The following FBN3 variants were observed in gnomAD, a reference collection of about 807,000 sequenced individuals.
FBN3 encodes fibrillin-3.
FBN3 carries 234 observed loss-of-function variants against 330.1 expected under a neutral mutation model. The ratio of observed to expected loss-of-function variants is 0.71; its 90% CI spans 0.64 to 0.79. The LOEUF (loss-of-function observed/expected upper bound fraction) is 0.79. Among genes scored for constraint, FBN3 ranks in the 30% least tolerant of loss-of-function variants. FBN3 has a pLI of 0.00. For missense variants in FBN3, 3,606 were observed against 3,886.9 expected (o/e 0.93, Z 1.92); for synonymous variants, 1,458 against 1,517.3 (o/e 0.96, Z 0.91).
Position 8,141,842 on chromosome 19 carries a change from T to C in FBN3, c.740A>G (p.Asp247Gly). ...IPNIHTGACQ[D>G]VDECQAVPGL... Reference sequence around the variant, plus strand: ...TGGCACAGCCTGGCACTCATCCACATCTGCAAGGACAAAGCCCGGCAGGGG... The same window carrying C: ...TGGCACAGCCTGGCACTCATCCACACCTGCAAGGACAAAGCCCGGCAGGGG... Residue 247 changes from aspartate (D) to glycine (G), a missense_variant and splice_region_variant, in exon 8 of 64, where the codon GAT becomes GGT. Transcript: ENST00000600128. 6.2e-7 allele frequency: 1 copy of C among 1,614,044 alleles called. No individual in the cohort carries two copies. The highest frequency in any genetic ancestry group is 8.5e-7 in the Non-Finnish European group (1 of 1,179,960).
intron 56 of FBN3, among the ~76,000 whole-genome samples, chr19:8,084,810 A>T (rs961525921): frequency 4.0e-5 from 6 of 150,012 alleles, no homozygotes; most frequent in Non-Finnish European, 5.9e-5. Flanking sequence ...GTGGTCTCAA[A>T]CTCCTGACCT....
chr19:8,126,700 C>T lies in FBN3; in HGVS notation c.2416+13G>A, dbSNP rs768045982. 59 of 1,581,400 alleles carry T rather than the reference C, an allele frequency of 3.7e-5. No homozygotes were observed. In the Admixed American group the frequency reaches 7.0e-4, roughly 19 times the overall value. ...CAGCCTCTGGAACGCCGTCGGGCTCCGGGGCCGCTCACCTAGACAGAAGGT... is the reference window on the plus strand; with the variant it reads ...CAGCCTCTGGAACGCCGTCGGGCTCTGGGGCCGCTCACCTAGACAGAAGGT... On this transcript the variant is annotated intron_variant, in intron 19 of 63. Coordinates refer to ENST00000600128, the MANE Select transcript of FBN3 (RefSeq NM_032447.5).
intron 54 of FBN3, 33 bp from the exon 55 acceptor site, chr19:8,086,358 G>C (rs1371891283): frequency 6.4e-7 from 1 of 1,560,092 alleles, no homozygotes; most frequent in South Asian, 1.2e-5. Flanking sequence ...GGTGGGCGGG[G>C]AGGCCACAGG....
chr19:8,119,370 A>G (rs1403184489), intron 25 of FBN3, among the ~76,000 whole-genome samples: 1 of 152,214 alleles, frequency 6.6e-6, no homozygotes, highest in East Asian at 1.9e-4. Flanking sequence ...GGCAGGGAGC[A>G]GGCAGCCTCG....
In FBN3 at chr19:8,100,878, TAG is replaced by T; in HGVS notation, c.5161+21_5161+22del. The T allele has an allele frequency of 2.5e-6, 4 of 1,607,062 alleles. No homozygotes were observed. In the African/African-American group the frequency reaches 4.0e-5, roughly 16 times the overall value. On this transcript the variant is annotated intron_variant, in intron 41 of 63. Coordinates refer to ENST00000600128, the MANE Select transcript of FBN3 (RefSeq NM_032447.5). ...ACCCAGGTGGATGGGTGCCCAGGGATAGAGCAGGGACCACTCACTCACCAAGG... is the reference window on the plus strand; with the variant it reads ...ACCCAGGTGGATGGGTGCCCAGGGATAGCAGGGACCACTCACTCACCAAGG...
Position 8,083,415 on chromosome 19 carries a change from G to A in FBN3, c.7088-43C>T, listed in dbSNP as rs573452884. On this transcript the variant is annotated intron_variant, in intron 56 of 63. Transcript: ENST00000600128. ...GCAAATGGGGCTGGCTGGCTGCTTC[G>A]CGCCTCCACCGAGGAATGTCTCCTT... The A allele has an allele frequency of 5.9e-5, 95 of 1,609,610 alleles. No homozygotes were observed. In the South Asian group the frequency reaches 8.8e-4, roughly 15 times the overall value.
At position 8,096,947 on chromosome 19, in the gene FBN3, T is replaced by C. The variant is rs769009575; in HGVS notation, c.5347A>G (p.Ile1783Val). Residue 1783 changes from isoleucine to valine, a missense_variant, in exon 43 of 64, where the codon ATC (isoleucine) becomes GTC (valine). Transcript: ENST00000600128. This position sits in a 1 kb window ranked among gnomAD's most constrained non-coding sequence, Gnocchi z 4.6. Reference sequence around the variant, plus strand: ...CACTTGCAGCGGTAGCTACCGGGGATGTTGATGCAGTCAGCATTCTGCTGG... The same window carrying C: ...CACTTGCAGCGGTAGCTACCGGGGACGTTGATGCAGTCAGCATTCTGCTGG... ...PCQQNADCIN[I>V]PGSYRCKCTR... is the part of the protein sequence containing the mutation. 26 of 1,613,608 alleles carry C rather than the reference T, an allele frequency of 1.6e-5. No homozygotes were observed. In the African/African-American group the frequency reaches 2.7e-4, roughly 17 times the overall value.
chr19:8,065,993 C>T lies in FBN3; in HGVS notation c.8356G>A (p.Gly2786Ser), dbSNP rs529823750. Residue 2786 changes from glycine (G) to serine (S), a missense_variant, in exon 64 of 64, where the codon GGT (glycine) becomes AGT (serine). Coordinates refer to ENST00000600128, the MANE Select transcript of FBN3 (RefSeq NM_032447.5). ...EVVSHMAGPW[G>S]VQPEGQPGPW... Reference sequence around the variant, plus strand: ...CCTGGCTGCCCCTCTGGCTGGACACCCCAGGGTCCTGCCATGTGGCTCACC... The same window carrying T: ...CCTGGCTGCCCCTCTGGCTGGACACTCCAGGGTCCTGCCATGTGGCTCACC... 17 of 1,612,982 alleles carry T rather than the reference C, an allele frequency of 1.1e-5. No homozygotes were observed. The African/African-American group carries it at 2.3e-4, about 21-fold the overall frequency.
rs146322736 is a variant in FBN3, at chr19:8,116,792, G to A, written c.3594C>T (p.Asp1198=). ...MPDGRACADV[D]ECEENPRVCD... is the part of the protein sequence containing the mutation. Reference sequence around the variant, plus strand: ...AAACGCGGGGGTTCTCTTCACACTCGTCCACGTCTGGGGGAGCAGGGTTGG... The same window carrying A: ...AAACGCGGGGGTTCTCTTCACACTCATCCACGTCTGGGGGAGCAGGGTTGG... Residue 1198 remains aspartate (D), a synonymous_variant, in exon 29 of 64, where the codon GAC becomes GAT. Coordinates refer to ENST00000600128, the MANE Select transcript of FBN3 (RefSeq NM_032447.5). The A allele has an allele frequency of 4.6e-5, 75 of 1,613,700 alleles. No individual in the cohort carries two copies. Among genetic ancestry groups the A allele is most frequent in the East Asian group, 2.2e-4 (10 of 44,890 alleles).
chr19:8,116,979 C>CA (rs1344574615), intron 28 of FBN3, among the ~76,000 whole-genome samples, 180 bp from the exon 29 acceptor site: 2 of 152,120 alleles, frequency 1.3e-5, no homozygotes, highest in South Asian at 2.1e-4. Flanking sequence ...CCCTCCTCTG[C>CA]AAAAATCCCA....
At chr19:8,103,509 G>A in intron 39 of FBN3, 53 bp downstream of exon 39, 1 of 1,585,274 alleles carries the variant, frequency 6.3e-7, no homozygotes, top group Non-Finnish European at 8.6e-7. Flanking sequence ...TTCCTCCCAT[G>A]CCCAGGTGCT....
chr19:8,135,936 G>GCACCCCCCCCCCCCCCCCC, intron 13 of FBN3, 25 bp downstream of exon 13: 2 of 668,778 alleles, frequency 3.0e-6, no homozygotes, highest in South Asian at 1.6e-5. Flanking sequence ...GGAAGCCCCT[G>GCACCCCCCCCCCCCCCCCC]CCCACCCGCC....
At chr19:8,142,993 C>T (rs78539876) in intron 6 of FBN3, among the ~76,000 whole-genome samples, 10 of 151,666 alleles carry the variant, frequency 6.6e-5, no homozygotes, top group African/African-American at 2.4e-4. Context: ...TTCTAGTCCC[C>T]GGGTCGTGCC....
Position 8,117,505 on chromosome 19 carries a change from T to C in FBN3, c.3422A>G (p.His1141Arg), listed in dbSNP as rs374702035. 1.3e-6 allele frequency: 2 copies of C among 1,559,664 alleles called. No homozygotes were observed. The highest frequency in any genetic ancestry group is 2.4e-5 in the East Asian group (1 of 41,632). Residue 1141 changes from histidine to arginine, a missense_variant, in exon 27 of 64, where the codon CAT becomes CGT. By Grantham distance (29) the His-to-Arg change is conservative. Transcript: ENST00000600128. Reference protein sequence around the residue: ...NVIGAFQCSCHAGFQSTPDRQ... With the variant: ...NVIGAFQCSCRAGFQSTPDRQ... ...GTCAGGTGTGCTCTGGAAGCCGGCA[T>C]GGCAGGAGCACTGGAAGGCACCGAT...
intron 13 of FBN3, 26 bp downstream of exon 13, chr19:8,135,935 T>TTGGGGGGGGGGGGGGC: frequency 1.1e-4 from 146 of 1,344,142 alleles, no homozygotes; most frequent in Non-Finnish European, 1.3e-4. Context: ...CGGAAGCCCC[T>TTGGGGGGGGGGGGGGC]GCCCACCCGC....
chr19:8,086,462 ATTATT>A (rs1188498355), intron 54 of FBN3, 137 bp from the exon 55 acceptor site: 1 of 277,312 alleles, frequency 3.6e-6, no homozygotes, highest in African/African-American at 2.8e-5. Context: ...TATTATTATT[ATTATT>A]ATTTTTTGAG....
rs751421672 is a variant in FBN3 at position 8,111,757 on chromosome 19, G to T, written c.3975C>A (p.Cys1325Ter). 10 of 1,612,584 alleles carry T rather than the reference G, an allele frequency of 6.2e-6. No homozygotes were observed. Among genetic ancestry groups the T allele is most frequent in the Non-Finnish European group, 8.5e-6 (10 of 1,178,970 alleles). The part of the protein sequence containing the change: ...DGFECHDLDE[C>*]VSQEHRCSPR... ...GGCTGCACCGGTGCTCCTGGGAGAC[G>T]CATTCATCCAGGTCTGCAGGAGATG... Residue 1325 changes from cysteine (C) to a stop codon, truncating the protein, a stop_gained, in exon 32 of 64, where the codon TGC (cysteine) becomes TGA (stop). Transcript: ENST00000600128. LOFTEE classifies it high-confidence loss of function.
At chr19:8,132,515 G>A (rs183278938) in intron 14 of FBN3, among the ~76,000 whole-genome samples, 3 of 151,516 alleles carry the variant, frequency 2.0e-5, no homozygotes, top group Non-Finnish European at 4.4e-5. Flanking sequence ...TTCTGAGACG[G>A]AGTCTCACTC....
In FBN3 at chr19:8,123,761, C is replaced by T. The variant is rs762906800; in HGVS notation, c.2956+23G>A. 5 of 1,611,368 alleles carry T rather than the reference C, an allele frequency of 3.1e-6. No individual in the cohort carries two copies. The East Asian group carries it at 1.1e-4, about 36-fold the overall frequency. On this transcript the variant is annotated intron_variant, in intron 23 of 63. Transcript: ENST00000600128. ...GTGCCCCTCCCCATCCTTCCAGGGG[C>T]CTGACCCCTTCCCCAACCGCACCTT...
Sources: gnomAD v4.1 joint callset for allele counts (sites outside exome capture counted in the v4.1 genomes callset) on GRCh38, gnomAD v4.1.1 for gene constraint, Gnocchi (gnomAD v3.1) non-coding constraint, MANE v1.5 for transcripts, NCBI Gene and HGNC (gene_info 2026-07-23, HGNC 2026-07-21) for gene names.